CDK14: variants seen among roughly 807,000 people sequenced by gnomAD.
CDK14 encodes cyclin dependent kinase 14, also known as cyclin-dependent kinase 14.
Under a neutral mutation model 60.7 loss-of-function variants are expected in CDK14, and 34 were observed. That is an observed-to-expected ratio of 0.56 (90% CI 0.43 to 0.75). The LOEUF is 0.75. CDK14 is among the 30% of genes least tolerant of loss of function. The pLI, the probability that CDK14 is intolerant of heterozygous loss-of-function variation, is 0.00. For synonymous variants in CDK14, 197 were observed against 203.7 expected (o/e 0.97, Z 0.28); for missense variants, 482 against 564.1 (o/e 0.85, Z 1.47).
chr7:90,748,021 T>G (rs1803665819), intron 4 of CDK14, among the ~76,000 whole-genome samples: 2 of 152,034 alleles, frequency 1.3e-5, no homozygotes, highest in African/African-American at 4.8e-5. Context: ...ACAACACTGC[T>G]TTCTCTTTCA....
rs143108473 is a variant in CDK14, at chr7:90,952,832, C to G, written c.827-2865C>G. Among the ~76,000 whole-genome samples the G allele has an allele frequency of 3.1e-3, 479 of 152,234 alleles. 5 individuals carry two copies. The highest frequency in any genetic ancestry group is 0.011 in the African/African-American group (462 of 41,554). On this transcript the variant is annotated intron_variant, in intron 8 of 14. Coordinates refer to ENST00000380050, the MANE Select transcript of CDK14 (RefSeq NM_001287135.2). ...ACATGCTGTGCTAATTAATCCTGTC[C>G]TACAGTTTTCTTTCAACTGAAGAAT...
chr7:90,835,137 C>T (rs966154273), intron 5 of CDK14, among the ~76,000 whole-genome samples: 1 of 152,044 alleles, frequency 6.6e-6, no homozygotes, highest in African/African-American at 2.4e-5. Context: ...AATAATCTGT[C>T]AGAGGTTTTT....
intron 5 of CDK14, among the ~76,000 whole-genome samples, chr7:90,859,353 A>T (rs930419231): frequency 2.0e-5 from 3 of 152,236 alleles, no homozygotes; most frequent in African/African-American, 7.2e-5. Flanking sequence ...TTCTGATAAC[A>T]CGAGTTCACC....
intron 10 of CDK14, among the ~76,000 whole-genome samples, chr7:91,040,732 G>C (rs564996165): frequency 2.2e-4 from 34 of 152,208 alleles, no homozygotes; most frequent in African/African-American, 7.7e-4. Flanking sequence ...GAGACCTCTC[G>C]GTCCCCTTGA....
chr7:90,777,422 C>T (rs755189596), intron 4 of CDK14, among the ~76,000 whole-genome samples: 8 of 152,162 alleles, frequency 5.3e-5, no homozygotes, highest in African/African-American at 1.9e-4. Flanking sequence ...GGAAGAGAGG[C>T]AGTGAGAAGC....
At chr7:90,950,193 C>T (rs1052159366) in intron 8 of CDK14, among the ~76,000 whole-genome samples, 26 of 152,284 alleles carry the variant, frequency 1.7e-4, no homozygotes, top group African/African-American at 6.0e-4. Context: ...TCTCGTGCCT[C>T]AGCCTCTCGA....
intron 5 of CDK14, among the ~76,000 whole-genome samples, chr7:90,817,310 CG>C (rs1261776739): frequency 6.6e-6 from 1 of 152,028 alleles, no homozygotes; most frequent in African/African-American, 2.4e-5. Flanking sequence ...TGAGTATACC[CG>C]TAAGAATCGA....
intron 11 of CDK14, among the ~76,000 whole-genome samples, chr7:91,062,452 T>A (rs1797832908): frequency 6.6e-6 from 1 of 151,696 alleles, no homozygotes; most frequent in Non-Finnish European, 1.5e-5. Flanking sequence ...ACCTGGTACC[T>A]CAGTTGGAAA....
At chr7:91,183,898 T>C (rs571565577) in intron 14 of CDK14, among the ~76,000 whole-genome samples, 4 of 152,268 alleles carry the variant, frequency 2.6e-5, no homozygotes, top group Admixed American at 2.6e-4. Context: ...TGCCTAAAAA[T>C]AAGAAATGGT....
At chr7:90,847,447 CTAAA>C (rs949711600) in intron 5 of CDK14, among the ~76,000 whole-genome samples, 5 of 152,040 alleles carry the variant, frequency 3.3e-5, no homozygotes, top group Non-Finnish European at 7.4e-5. Flanking sequence ...AAAAATTAAA[CTAAA>C]TAATTAATAT....
At position 91,171,307 on chromosome 7, in the gene CDK14, G is replaced by A. The variant is rs1801511294; in HGVS notation, c.*29-35858G>A. ...GGAGCTTGCAGTGAGCCGAGATCGC[G>A]CCACTGCACTCCAGCCTGGGTGACA... is the stretch of plus-strand genomic sequence containing the variant. On this transcript the variant is annotated intron_variant, in intron 14 of 14. Transcript: ENST00000380050. Among the ~76,000 whole-genome samples, 4 of 151,926 alleles carry A rather than the reference G, an allele frequency of 2.6e-5. No individual in the cohort carries two copies. The South Asian group carries it at 6.2e-4, about 24-fold the overall frequency.
At chr7:91,187,360 A>G (rs937472652) in intron 14 of CDK14, among the ~76,000 whole-genome samples, 4 of 152,226 alleles carry the variant, frequency 2.6e-5, no homozygotes, top group African/African-American at 9.7e-5. Context: ...ATGGTCAGCA[A>G]CTTCTTCCAA....
intron 2 of CDK14, among the ~76,000 whole-genome samples, chr7:90,656,015 G>A (rs6964141): frequency 0.16 from 23,825 of 152,112 alleles, 2,006 homozygotes; most frequent in African/African-American, 0.21. Flanking sequence ...TGTTATAAAG[G>A]TGGATTAGCC....
chr7:90,740,240 T>G (rs1803286444), intron 3 of CDK14, among the ~76,000 whole-genome samples: 1 of 135,462 alleles, frequency 7.4e-6, no homozygotes. Flanking sequence ...TATATGTGTA[T>G]GTATGTGTGT....
chr7:91,198,891 A>G (rs1420257550), intron 14 of CDK14, among the ~76,000 whole-genome samples: 2 of 152,208 alleles, frequency 1.3e-5, no homozygotes, highest in Non-Finnish European at 2.9e-5. Context: ...CTCCTCTAAA[A>G]TCTTTTAATT....
At chr7:90,934,124 G>A (rs1045440390) in intron 8 of CDK14, among the ~76,000 whole-genome samples, 1 of 152,254 alleles carries the variant, frequency 6.6e-6, no homozygotes, top group East Asian at 1.9e-4. Flanking sequence ...TGGAAAGGCG[G>A]TCAGTGCCCA....
rs772577032 is a variant in CDK14, at chr7:91,054,490, A to C, written c.1105+8530A>C. On this transcript the variant is annotated intron_variant, in intron 11 of 14. Transcript: ENST00000380050. ...CAGTTAATTACTAAATTTATGAACT[A>C]TGTGAACATTATAAAGCTAAGGAAG... Among the ~76,000 whole-genome samples, 6 of 152,320 alleles carry C rather than the reference A, an allele frequency of 3.9e-5. No homozygotes were observed. The East Asian group carries it at 1.2e-3, about 29-fold the overall frequency.
At chr7:90,984,536 A>G (rs1168788905) in intron 10 of CDK14, among the ~76,000 whole-genome samples, 3 of 152,202 alleles carry the variant, frequency 2.0e-5, no homozygotes, top group Non-Finnish European at 2.9e-5. Context: ...AATAATTGCT[A>G]TATAGATACT....
In CDK14 at chr7:90,661,690, A is replaced by C. The variant is rs545977311; in HGVS notation, c.123+57441A>C. Among the ~76,000 whole-genome samples the C allele has an allele frequency of 5.9e-5, 9 of 152,114 alleles. No individual in the cohort carries two copies. In the South Asian group the frequency reaches 1.9e-3, roughly 32 times the overall value. On this transcript the variant is annotated intron_variant, in intron 2 of 14. Coordinates refer to ENST00000380050, the MANE Select transcript of CDK14 (RefSeq NM_001287135.2). ...GGGTTTCTAATCCTTGTGTGCTGGG[A>C]CCTCACTAAGCATTCTTCACTTTTG...
Sources: allele counts gnomAD v4.1 joint callset (sites outside exome capture counted in the v4.1 genomes callset), GRCh38; gene constraint gnomAD v4.1.1; transcripts MANE v1.5; gene names NCBI Gene and HGNC (gene_info 2026-07-23, HGNC 2026-07-21).